LRBA: variants seen among roughly 807,000 people sequenced by gnomAD.
LRBA encodes the protein LPS responsive beige-like anchor protein.
Under a neutral mutation model 330.0 loss-of-function variants are expected in LRBA, and 176 were observed. The ratio of observed to expected loss-of-function variants is 0.53; its 90% confidence interval spans 0.47 to 0.60. The LOEUF (loss-of-function observed/expected upper bound fraction) is 0.60, where lower values mean the gene tolerates loss of function less well. Among genes scored for constraint, LRBA ranks in the 20% least tolerant of loss-of-function variants. LRBA has a pLI of 0.00. For missense variants in LRBA, 3,259 were observed against 3,444.8 expected (o/e 0.95, Z 1.35); for synonymous variants, 1,230 against 1,193.0 (o/e 1.03, Z -0.64).
intron 34 of LRBA, among the ~76,000 whole-genome samples, chr4:150,780,341 C>A (rs915626118): frequency 6.6e-6 from 1 of 152,008 alleles, no homozygotes; most frequent in African/African-American, 2.4e-5. Flanking sequence ...ATGGTGATAT[C>A]TACAGAATTT....
At chr4:150,697,111 G>A (rs1317990651) in intron 36 of LRBA, among the ~76,000 whole-genome samples, 1 of 151,106 alleles carries the variant, frequency 6.6e-6, no homozygotes, top group Non-Finnish European at 1.5e-5. Flanking sequence ...TGGATCATGA[G>A]GTCAGGAGTT....
At chr4:150,403,395 C>T (rs1384551950) in intron 47 of LRBA, among the ~76,000 whole-genome samples, 3 of 152,190 alleles carry the variant, frequency 2.0e-5, no homozygotes, top group East Asian at 1.9e-4. Context: ...ATTAGCCCCT[C>T]GCAGAAACGA....
chr4:150,342,232 C>A (rs1483737537), intron 48 of LRBA, among the ~76,000 whole-genome samples: 2 of 151,602 alleles, frequency 1.3e-5, no homozygotes, highest in Non-Finnish European at 2.9e-5. Context: ...CATGAATGAG[C>A]CAAATCAAAA....
chr4:150,841,067 CA>C, intron 28 of LRBA: 1 of 928,586 alleles, frequency 1.1e-6, no homozygotes, highest in Non-Finnish European at 1.4e-6. Flanking sequence ...TTGGAAAAAA[CA>C]AAGGTACATT....
chr4:150,508,083 T>C lies in LRBA; in HGVS notation c.6331-17048A>G, dbSNP rs1464856317. Among the ~76,000 whole-genome samples the C allele has an allele frequency of 8.6e-5, 4 of 46,610 alleles. No individual in the cohort carries two copies. In the East Asian group the frequency reaches 3.1e-3, roughly 36 times the overall value. 30.6% of individuals were successfully genotyped at this position (46,610 alleles called of 152,430 possible). On this transcript the variant is annotated intron_variant, in intron 40 of 56. Transcript: ENST00000651943. The stretch of plus-strand genomic sequence containing the variant: ...TCACAAACCGGGGACTGTTGTGGGG[T>C]GGGGGGAGGGGAGGGATAGCATTAG...
intron 53 of LRBA, among the ~76,000 whole-genome samples, chr4:150,300,871 C>T (rs896861781): frequency 6.6e-6 from 1 of 152,000 alleles, no homozygotes; most frequent in Non-Finnish European, 1.5e-5. Context: ...TCTTTAGCTG[C>T]TTTTTAGAAT....
chr4:150,489,055 A>G lies in LRBA; in HGVS notation c.6449-1221T>C, dbSNP rs1361993733. Among the ~76,000 whole-genome samples the G allele has an allele frequency of 3.7e-5, 3 of 81,172 alleles. No individual in the cohort carries two copies. The South Asian group carries it at 1.3e-3, about 36-fold the overall frequency. The allele number at this position is 81,172 out of a possible 152,430, so 53.3% of individuals were successfully genotyped here. ...ATATTATATATAATATATTATATATAAGAATATATAATATATTATATATAA... is the reference window on the plus strand; with the variant it reads ...ATATTATATATAATATATTATATATGAGAATATATAATATATTATATATAA... On this transcript the variant is annotated intron_variant, in intron 41 of 56. Coordinates refer to ENST00000651943, the MANE Select transcript of LRBA (RefSeq NM_001364905.1).
chr4:150,358,620 C>G (rs1554008200), intron 47 of LRBA, among the ~76,000 whole-genome samples: 1 of 151,890 alleles, frequency 6.6e-6, no homozygotes, highest in Non-Finnish European at 1.5e-5. Flanking sequence ...TAGTTATAAA[C>G]ATAGACATAA....
At chr4:150,621,494 C>T (rs990157026) in intron 37 of LRBA, among the ~76,000 whole-genome samples, 12 of 152,116 alleles carry the variant, frequency 7.9e-5, no homozygotes, top group African/African-American at 2.9e-4. Flanking sequence ...TAGAACAGCA[C>T]TAGTTCTGAT....
intron 40 of LRBA, among the ~76,000 whole-genome samples, chr4:150,497,035 A>G (rs113614447): frequency 0.01 from 1,563 of 152,276 alleles, 25 homozygotes; most frequent in African/African-American, 0.036. Flanking sequence ...TAAAATAAAG[A>G]CATTGAAAAA....
At chr4:150,388,484 A>G (rs1349479298) in intron 47 of LRBA, among the ~76,000 whole-genome samples, 1 of 152,234 alleles carries the variant, frequency 6.6e-6, no homozygotes, top group Non-Finnish European at 1.5e-5. Flanking sequence ...TAACTCAGAC[A>G]TGGGTGAAAC....
At chr4:150,555,790 C>G (rs557212273) in intron 40 of LRBA, among the ~76,000 whole-genome samples, 1 of 146,894 alleles carries the variant, frequency 6.8e-6, no homozygotes, top group East Asian at 2.0e-4. Context: ...CACACACAAA[C>G]AAATAGAATC....
chr4:150,487,671 G>A, intron 42 of LRBA, 61 bp downstream of exon 42: 2 of 873,272 alleles, frequency 2.3e-6, no homozygotes, highest in South Asian at 1.8e-5. Flanking sequence ...ATTAATACTG[G>A]TTAATTATTA....
chr4:150,948,897 A>G (rs78849089), intron 2 of LRBA, among the ~76,000 whole-genome samples: 4,232 of 152,104 alleles, frequency 0.028, 182 homozygotes, highest in African/African-American at 0.097. Flanking sequence ...GGATATCACT[A>G]TACATCAATC....
chr4:150,663,937 GA>G (rs1407257731), intron 37 of LRBA, among the ~76,000 whole-genome samples: 1 of 152,096 alleles, frequency 6.6e-6, no homozygotes, highest in Non-Finnish European at 1.5e-5. Flanking sequence ...TCACCAAGAA[GA>G]TAACATGGGA....
intron 44 of LRBA, among the ~76,000 whole-genome samples, chr4:150,458,862 G>T: frequency 6.8e-6 from 1 of 147,964 alleles, no homozygotes. Flanking sequence ...TTTTCTATTT[G>T]CTTTGGTCTT....
chr4:151,010,197 A>C (rs1744666458), intron 2 of LRBA, among the ~76,000 whole-genome samples: 1 of 152,114 alleles, frequency 6.6e-6, no homozygotes, highest in South Asian at 2.1e-4. Context: ...TTAAAAAATC[A>C]TGAAAGTATG....
chr4:150,309,836 T>C (rs146775937), intron 52 of LRBA, among the ~76,000 whole-genome samples: 2 of 152,302 alleles, frequency 1.3e-5, no homozygotes, highest in African/African-American at 4.8e-5. Context: ...TTAATGAGTC[T>C]TTCAAGTAGG....
intron 35 of LRBA, among the ~76,000 whole-genome samples, 185 bp downstream of exon 35, chr4:150,761,598 T>C (rs928664109): frequency 6.6e-6 from 1 of 152,018 alleles, no homozygotes; most frequent in Non-Finnish European, 1.5e-5. Flanking sequence ...ATCAGTAAGC[T>C]TGCATCTAAA....
Sources: gnomAD v4.1 joint callset for allele counts (sites outside exome capture counted in the v4.1 genomes callset) on GRCh38, gnomAD v4.1.1 for gene constraint, MANE v1.5 for transcripts, NCBI Gene and HGNC (gene_info 2026-07-23, HGNC 2026-07-21) for gene names.